NRXN3: variants seen among roughly 807,000 people sequenced by gnomAD.
The protein encoded by NRXN3 is neurexin 3.
Under a neutral mutation model 137.6 loss-of-function variants are expected in NRXN3, and 32 were observed. The observed-to-expected ratio is 0.23, with a 90% CI of 0.18 to 0.31. The LOEUF is 0.31. Among genes scored for constraint, NRXN3 ranks in the 10% least tolerant of loss-of-function variants. NRXN3 has a pLI of 1.00. For synonymous variants in NRXN3, 798 were observed against 784.5 expected, an observed-to-expected ratio of 1.02 and a Z score of -0.29; for missense variants, 1,574 against 2,062.5, an observed-to-expected ratio of 0.76 and a Z score of 4.59.
At chr14:79,608,445 T>G (rs935872326) in intron 16 of NRXN3, among the ~76,000 whole-genome samples, 7 of 152,202 alleles carry the variant, frequency 4.6e-5, no homozygotes, top group African/African-American at 1.7e-4. Flanking sequence ...TGGATTGATT[T>G]CTCTGGTGTT....
At chr14:78,495,988 T>C (rs1389151468) in intron 4 of NRXN3, among the ~76,000 whole-genome samples, 1 of 152,226 alleles carries the variant, frequency 6.6e-6, no homozygotes, top group African/African-American at 2.4e-5. Flanking sequence ...GGTACCACAG[T>C]CTTAGCAAAA....
intron 3 of NRXN3, among the ~76,000 whole-genome samples, chr14:78,280,559 C>A (rs1384639312): frequency 6.6e-6 from 1 of 152,108 alleles, no homozygotes; most frequent in Non-Finnish European, 1.5e-5. Context: ...AGAGAAGTGA[C>A]CAGGGGTCAC....
chr14:79,043,911 T>C (rs2099628989), intron 15 of NRXN3, among the ~76,000 whole-genome samples: 1 of 152,210 alleles, frequency 6.6e-6, no homozygotes, highest in Non-Finnish European at 1.5e-5. Context: ...TTTTGACATT[T>C]TGGACTGGAT....
intron 15 of NRXN3, among the ~76,000 whole-genome samples, chr14:79,256,166 C>G: frequency 6.6e-6 from 1 of 150,520 alleles, no homozygotes; most frequent in Non-Finnish European, 1.5e-5. Flanking sequence ...CTCTGTCTCT[C>G]TCTCTGTCTC....
intron 19 of NRXN3, among the ~76,000 whole-genome samples, chr14:79,706,374 A>G: frequency 6.6e-6 from 1 of 152,060 alleles, no homozygotes; most frequent in Admixed American, 6.6e-5. Context: ...ATATGCAAAT[A>G]AAAATTACTT....
intron 20 of NRXN3, among the ~76,000 whole-genome samples, chr14:79,854,926 A>G (rs1421810424): frequency 2.6e-5 from 4 of 152,194 alleles, no homozygotes; most frequent in African/African-American, 9.6e-5. Flanking sequence ...AGGTGTTTCG[A>G]GTATTGTTCT....
At chr14:79,142,073 C>A (rs1399921653) in intron 15 of NRXN3, among the ~76,000 whole-genome samples, 1 of 152,078 alleles carries the variant, frequency 6.6e-6, no homozygotes, top group African/African-American at 2.4e-5. Flanking sequence ...TCACGGAAAG[C>A]CCCCAAGTGA....
At chr14:79,668,706 A>G (rs1178432022) in intron 17 of NRXN3, among the ~76,000 whole-genome samples, 1 of 152,080 alleles carries the variant, frequency 6.6e-6, no homozygotes, top group African/African-American at 2.4e-5. Context: ...TGTGTAAGGA[A>G]GGGGGCGGGG....
chr14:78,931,861 G>A (rs154338), intron 10 of NRXN3, among the ~76,000 whole-genome samples: 27,423 of 152,014 alleles, frequency 0.18, 3,627 homozygotes, highest in East Asian at 0.39. Flanking sequence ...TAAAAGCCAA[G>A]GAAGGCTGGG....
At chr14:78,926,352 C>T (rs886726266) in intron 10 of NRXN3, among the ~76,000 whole-genome samples, 1 of 151,762 alleles carries the variant, frequency 6.6e-6, no homozygotes, top group Non-Finnish European at 1.5e-5. Flanking sequence ...TGGTCTTTCT[C>T]TCTTATATAT....
At chr14:78,230,179 C>A (rs148210688) in intron 1 of NRXN3, among the ~76,000 whole-genome samples, 94 of 152,176 alleles carry the variant, frequency 6.2e-4, no homozygotes, top group African/African-American at 2.2e-3. Flanking sequence ...CATGAGCCAC[C>A]ACACCTGACT....
At chr14:79,021,592 A>G (rs139029752) in intron 15 of NRXN3, among the ~76,000 whole-genome samples, 13 of 152,268 alleles carry the variant, frequency 8.5e-5, no homozygotes, top group African/African-American at 2.9e-4. Flanking sequence ...AAGAGCTCAC[A>G]ATCTAGTGGA....
At chr14:79,011,159 T>C (rs1342261599) in intron 15 of NRXN3, among the ~76,000 whole-genome samples, 2 of 152,212 alleles carry the variant, frequency 1.3e-5, no homozygotes, top group Non-Finnish European at 2.9e-5. Context: ...TGTTGTTTGT[T>C]CTTTCTTTGT....
At chr14:79,062,365 A>G (rs1379338674) in intron 15 of NRXN3, among the ~76,000 whole-genome samples, 1 of 152,164 alleles carries the variant, frequency 6.6e-6, no homozygotes, top group African/African-American at 2.4e-5. Flanking sequence ...AACATTTACA[A>G]GGTTCCAGTT....
chr14:79,594,936 CAT>C lies in NRXN3; in HGVS notation c.3445-68841_3445-68840del, dbSNP rs111800758. Among the ~76,000 whole-genome samples, 223 of 152,232 alleles carry C rather than the reference CAT, an allele frequency of 1.5e-3. No homozygotes were observed. The Middle Eastern group carries it at 0.017, about 12-fold the overall frequency. On this transcript the variant is annotated intron_variant, in intron 16 of 20. Transcript: ENST00000335750. ...ATAATTTTACTTCTTAGTTTTTTCA[CAT>C]GTTAGGCAATTCCAAGATTAATCGT... is the stretch of plus-strand genomic sequence containing the variant.
chr14:78,956,692 T>G (rs903844781), intron 10 of NRXN3, among the ~76,000 whole-genome samples: 5 of 152,232 alleles, frequency 3.3e-5, no homozygotes, highest in African/African-American at 1.2e-4. Flanking sequence ...ACTATTGTAA[T>G]GCTTACTATT....
rs559129367 is a variant in NRXN3 at position 79,839,620 on chromosome 14, T to C, written c.4094-21722T>C. On this transcript the variant is annotated intron_variant, in intron 20 of 20. Coordinates refer to ENST00000335750, the MANE Select transcript of NRXN3 (RefSeq NM_001330195.2). ...TCTCTTCACTTTGTAGATTGTTTCC[T>C]TTAGTGTGCAGAAGGTTTTTAACTT... is the stretch of plus-strand genomic sequence containing the variant. 3.9e-5 allele frequency among the ~76,000 whole-genome samples: 6 copies of C among 152,334 alleles called. No individual in the cohort carries two copies. The East Asian group carries it at 1.2e-3, about 29-fold the overall frequency.
intron 19 of NRXN3, among the ~76,000 whole-genome samples, chr14:79,763,165 C>A (rs2099044502): frequency 6.6e-6 from 1 of 151,500 alleles, no homozygotes; most frequent in African/African-American, 2.5e-5. Context: ...ATGATGGTTT[C>A]CAGCTTCATC....
intron 15 of NRXN3, among the ~76,000 whole-genome samples, chr14:79,274,809 C>G (rs2080020888): frequency 6.6e-6 from 1 of 152,000 alleles, no homozygotes; most frequent in Admixed American, 6.6e-5. Flanking sequence ...TTTCCAACAT[C>G]CAAACTCCTG....
Sources: gnomAD v4.1 joint callset for allele counts (sites outside exome capture counted in the v4.1 genomes callset) on GRCh38, gnomAD v4.1.1 for gene constraint, MANE v1.5 for transcripts, NCBI Gene and HGNC (gene_info 2026-07-23, HGNC 2026-07-21) for gene names.